Variants in GSK3B observed in about 807,000 individuals in gnomAD.
The protein encoded by GSK3B is glycogen synthase kinase 3 beta.
GSK3B carries 15 observed loss-of-function variants against 56.4 expected under a neutral mutation model. That is an observed-to-expected ratio of 0.27 (90% CI 0.18 to 0.41). The LOEUF (loss-of-function observed/expected upper bound fraction) is 0.41. Ranked by LOEUF, GSK3B falls within the 10% of genes least tolerant of loss-of-function variation. The pLI, the probability that GSK3B is intolerant of heterozygous loss-of-function variation, is 1.00. For synonymous variants in GSK3B, 181 were observed against 188.9 expected (o/e 0.96, Z 0.34); for missense variants, 300 against 513.4 (o/e 0.58, Z 4.02).
At chr3:119,940,110 T>TGTGTGTGTGTGTG (rs572334273) in intron 3 of GSK3B, among the ~76,000 whole-genome samples, 26 of 148,944 alleles carry the variant, frequency 1.7e-4, no homozygotes, top group African/African-American at 6.4e-4. Flanking sequence ...GTGTGTGTGT[T>TGTGTGTGTGTGTG]TGTGTGTGTG....
chr3:120,008,860 G>A (rs144358103), intron 1 of GSK3B, among the ~76,000 whole-genome samples: 1 of 152,280 alleles, frequency 6.6e-6, no homozygotes, highest in East Asian at 1.9e-4. Context: ...TTGATAAATA[G>A]GATCTAATTA....
intron 1 of GSK3B, among the ~76,000 whole-genome samples, chr3:120,073,219 T>TAAAAAAAAAAAAA (rs972347264): frequency 1.4e-5 from 1 of 70,598 alleles, no homozygotes; most frequent in Non-Finnish European, 2.8e-5. Flanking sequence ...CAAAAAAAAT[T>TAAAAAAAAAAAAA]AAAAAAAAAA....
chr3:119,970,881 A>C (rs2107515199), intron 2 of GSK3B, among the ~76,000 whole-genome samples: 1 of 152,284 alleles, frequency 6.6e-6, no homozygotes, highest in South Asian at 2.1e-4. Context: ...TATTTCTGTA[A>C]ATACTCTGAT....
chr3:119,998,220 A>C (rs79350895), intron 2 of GSK3B, among the ~76,000 whole-genome samples: 4,163 of 152,220 alleles, frequency 0.027, 180 homozygotes, highest in African/African-American at 0.092. Flanking sequence ...TGTTTAATCA[A>C]CTCACCAATA....
chr3:120,051,443 T>C (rs539111654), intron 1 of GSK3B, among the ~76,000 whole-genome samples: 1 of 152,044 alleles, frequency 6.6e-6, no homozygotes, highest in Non-Finnish European at 1.5e-5. Context: ...TGAATAAAGG[T>C]TTTTTAAAAG....
intron 9 of GSK3B, among the ~76,000 whole-genome samples, chr3:119,859,010 T>C (rs1248413341): frequency 6.6e-6 from 1 of 151,966 alleles, no homozygotes; most frequent in East Asian, 1.9e-4. Context: ...CAGATCACCA[T>C]AATGGATGTA....
At chr3:120,060,463 C>T (rs2058227081) in intron 1 of GSK3B, among the ~76,000 whole-genome samples, 1 of 152,092 alleles carries the variant, frequency 6.6e-6, no homozygotes, top group Non-Finnish European at 1.5e-5. Context: ...TACAGTGGCT[C>T]ACCCCTGTAA....
chr3:119,955,901 C>T (rs2089209452), intron 2 of GSK3B, among the ~76,000 whole-genome samples: 1 of 152,176 alleles, frequency 6.6e-6, no homozygotes, highest in African/African-American at 2.4e-5. Flanking sequence ...GATCCGCCTA[C>T]CTCGGCCTCC....
chr3:120,091,977 C>T (rs1183341902), intron 1 of GSK3B, among the ~76,000 whole-genome samples: 1 of 152,122 alleles, frequency 6.6e-6, no homozygotes, highest in East Asian at 1.9e-4. Flanking sequence ...TAATCAATTT[C>T]ACATAACATC....
intron 1 of GSK3B, among the ~76,000 whole-genome samples, chr3:120,013,810 G>A (rs571926201): frequency 6.6e-6 from 1 of 151,142 alleles, no homozygotes; most frequent in Non-Finnish European, 1.5e-5. Context: ...AAATTTTTCA[G>A]GTTAAGTTGA....
At chr3:119,934,749 T>C (rs894747058) in intron 3 of GSK3B, among the ~76,000 whole-genome samples, 9 of 152,168 alleles carry the variant, frequency 5.9e-5, no homozygotes, top group African/African-American at 1.7e-4. Flanking sequence ...TACTGTATTG[T>C]TGGTAAAAAG....
intron 1 of GSK3B, among the ~76,000 whole-genome samples, chr3:120,070,638 A>G (rs1244196633): frequency 2.0e-5 from 3 of 152,214 alleles, no homozygotes; most frequent in Non-Finnish European, 2.9e-5. Flanking sequence ...CTTTCACTAT[A>G]GAAACACACA....
intron 1 of GSK3B, among the ~76,000 whole-genome samples, chr3:120,079,785 C>A (rs943814953): frequency 1.3e-5 from 2 of 152,140 alleles, no homozygotes; most frequent in African/African-American, 4.8e-5. Flanking sequence ...ATACCTTGTT[C>A]TTTAGTAAAT....
At chr3:120,078,430 G>A (rs1318817597) in intron 1 of GSK3B, among the ~76,000 whole-genome samples, 1 of 151,888 alleles carries the variant, frequency 6.6e-6, no homozygotes, top group Non-Finnish European at 1.5e-5. Flanking sequence ...TGGCCCACCT[G>A]CTCCCATTTT....
intron 9 of GSK3B, among the ~76,000 whole-genome samples, chr3:119,849,341 A>G (rs2055898024): frequency 6.6e-6 from 1 of 152,214 alleles, no homozygotes; most frequent in Non-Finnish European, 1.5e-5. Flanking sequence ...AACTGAAAAA[A>G]CAATCTGGCA....
Position 119,987,910 on chromosome 3 carries a change from T to C in GSK3B, c.282+14136A>G, listed in dbSNP as rs183607321. ...GGAAGACTCCTATAATTCTGATATA[T>C]ATTAGTGTACATTTTCAGTAATAAT... On this transcript the variant is annotated intron_variant, in intron 2 of 10. Transcript: ENST00000264235. Among the ~76,000 whole-genome samples the C allele has an allele frequency of 1.7e-3, 254 of 152,346 alleles. 1 individual carries two copies. The highest frequency in any genetic ancestry group is 5.7e-3 in the African/African-American group (237 of 41,588).
intron 1 of GSK3B, among the ~76,000 whole-genome samples, chr3:120,076,074 T>C (rs780204037): frequency 2.6e-5 from 4 of 152,106 alleles, no homozygotes; most frequent in Non-Finnish European, 4.4e-5. Flanking sequence ...AATCCAAACA[T>C]AGACCGTCAA....
intron 10 of GSK3B, among the ~76,000 whole-genome samples, chr3:119,827,718 C>G (rs2055536609): frequency 6.6e-6 from 1 of 151,774 alleles, no homozygotes; most frequent in Admixed American, 6.6e-5. Context: ...GTGAAATAAG[C>G]CAGACAGAGA....
intron 1 of GSK3B, among the ~76,000 whole-genome samples, chr3:120,011,963 T>G (rs1199079655): frequency 6.6e-6 from 1 of 152,200 alleles, no homozygotes; most frequent in Non-Finnish European, 1.5e-5. Context: ...TAACTTCATA[T>G]TCTTTTCTCC....
Sources: gnomAD v4.1 joint callset for allele counts (sites outside exome capture counted in the v4.1 genomes callset) on GRCh38, gnomAD v4.1.1 for gene constraint, MANE v1.5 for transcripts, NCBI Gene and HGNC (gene_info 2026-07-23, HGNC 2026-07-21) for gene names.